The following SNX29 variants were observed in gnomAD, a reference collection of about 807,000 sequenced individuals.
SNX29 encodes the protein sorting nexin 29.
A neutral mutation model predicts 102.1 loss-of-function variants in SNX29; 78 were observed. That is an observed-to-expected ratio of 0.76 (90% CI 0.64 to 0.92). The LOEUF is 0.92. SNX29 is among the 40% of genes least tolerant of loss of function. The probability of loss-of-function intolerance (pLI) is 0.00; values close to 1 mark genes in which losing one functional copy is unlikely to be tolerated. For synonymous variants in SNX29, 580 were observed against 414.5 expected, an observed-to-expected ratio of 1.40 and a Z score of -4.85; for missense variants, 1,280 against 1,061.7, an observed-to-expected ratio of 1.21 and a Z score of -2.86.
In SNX29 at chr16:12,570,778, T is replaced by C. The variant is rs901841119; in HGVS notation, c.*2149T>C. 1 of 120,492 alleles carries C rather than the reference T, an allele frequency of 8.3e-6. No homozygotes were observed. The highest frequency in any genetic ancestry group is 9.8e-5 in the African/African-American group (1 of 10,242). 7.5% of individuals were successfully genotyped at this position (120,492 alleles called of 1,614,324 possible). A position where few individuals can be genotyped will look rare whatever the true frequency, so the allele number is the denominator to read the frequency against. Reference sequence around the variant, plus strand: ...TTGGACATTCTGCACATGATAATAATGCAACAGTCCCCCATTGCTGAGAGA... The same window carrying C: ...TTGGACATTCTGCACATGATAATAACGCAACAGTCCCCCATTGCTGAGAGA... On this transcript the variant is annotated 3_prime_UTR_variant, in exon 21 of 21. Transcript: ENST00000566228.
chr16:12,553,485 C>T (rs74569877), intron 20 of SNX29, among the ~76,000 whole-genome samples: 1 of 152,140 alleles, frequency 6.6e-6, no homozygotes, highest in African/African-American at 2.4e-5. Flanking sequence ...CTGCTTAGAC[C>T]AGGCAGGGCA....
At chr16:12,129,199 G>C (rs771893021) in intron 12 of SNX29, among the ~76,000 whole-genome samples, 8 of 152,124 alleles carry the variant, frequency 5.3e-5, no homozygotes, top group Non-Finnish European at 8.8e-5. Flanking sequence ...CTATTTTTAT[G>C]CCTCAGATTA....
Position 11,983,761 on chromosome 16 carries a change from A to G in SNX29, c.7+6948A>G, listed in dbSNP as rs562119785. The G allele has an allele frequency of 9.5e-6, 9 of 948,674 alleles. No homozygotes were observed. In the South Asian group the frequency reaches 3.4e-4, roughly 36 times the overall value. 58.8% of individuals were successfully genotyped at this position (948,674 alleles called of 1,614,324 possible). On this transcript the variant is annotated intron_variant, in intron 1 of 20. Coordinates refer to ENST00000566228, the MANE Select transcript of SNX29 (RefSeq NM_032167.5). ...AGAGCTCTTAAAATTTGGAACTAAAATCCAAGATTTTATAGATTTCTCCAA... is the reference window on the plus strand; with the variant it reads ...AGAGCTCTTAAAATTTGGAACTAAAGTCCAAGATTTTATAGATTTCTCCAA...
intron 1 of SNX29, among the ~76,000 whole-genome samples, chr16:11,995,536 G>T (rs1260094183): frequency 6.6e-6 from 1 of 151,642 alleles, no homozygotes; most frequent in East Asian, 1.9e-4. Context: ...ATAAAGAACA[G>T]GTTTTTCTTT....
At chr16:12,436,666 T>G (rs1467701716) in intron 18 of SNX29, among the ~76,000 whole-genome samples, 1 of 152,210 alleles carries the variant, frequency 6.6e-6, no homozygotes, top group Non-Finnish European at 1.5e-5. Context: ...ACCGGGGGAC[T>G]TTGGCTGTGT....
At chr16:12,508,716 A>T (rs1456241105) in intron 19 of SNX29, among the ~76,000 whole-genome samples, 1 of 151,920 alleles carries the variant, frequency 6.6e-6, no homozygotes, top group Admixed American at 6.6e-5. Context: ...GGGGTGTTTG[A>T]TTCACTCCAG....
rs187570611 is a variant in SNX29, at chr16:12,451,648, G to A, written c.2038-26071G>A. On this transcript the variant is annotated intron_variant, in intron 18 of 20. Transcript: ENST00000566228. ...GGAGGCTGAGGCGGGTGGACCATGA[G>A]GTCAGGAGATCAAGACCATCCTGGC... is the stretch of plus-strand genomic sequence containing the variant. Among the ~76,000 whole-genome samples the A allele has an allele frequency of 4.3e-3, 659 of 152,326 alleles. 7 individuals carry two copies. Among genetic ancestry groups the A allele is most frequent in the African/African-American group, 0.015 (633 of 41,570 alleles).
In SNX29 at chr16:11,976,823, G is replaced by C. The variant is rs927962400; in HGVS notation, c.7+10G>C. 87 of 1,373,796 alleles carry C rather than the reference G, an allele frequency of 6.3e-5. No individual in the cohort carries two copies. The highest frequency in any genetic ancestry group is 7.7e-5 in the Non-Finnish European group (82 of 1,063,166). 85.1% of individuals were successfully genotyped at this position (1,373,796 alleles called of 1,614,324 possible). A position where few individuals can be genotyped will look rare whatever the true frequency, so the allele number is the denominator to read the frequency against. On this transcript the variant is annotated intron_variant, in intron 1 of 20. Coordinates refer to ENST00000566228, the MANE Select transcript of SNX29 (RefSeq NM_032167.5). ...AGAGGCACCATGAGCGGTGAGTGGCGGCCCCGCCGCTGTCACCTGCCCCGG... is the reference window on the plus strand; with the variant it reads ...AGAGGCACCATGAGCGGTGAGTGGCCGCCCCGCCGCTGTCACCTGCCCCGG...
intron 18 of SNX29, among the ~76,000 whole-genome samples, chr16:12,472,529 C>CAAAAAAAAAAAAAA (rs60223249): frequency 4.1e-5 from 3 of 72,926 alleles, no homozygotes; most frequent in East Asian, 3.2e-4. Context: ...AAAAAAAAAC[C>CAAAAAAAAAAAAAA]AAAAAAAAAA....
At chr16:12,541,022 C>G (rs895277579) in intron 20 of SNX29, among the ~76,000 whole-genome samples, 1 of 152,138 alleles carries the variant, frequency 6.6e-6, no homozygotes, top group Non-Finnish European at 1.5e-5. Flanking sequence ...GGGACAGCAA[C>G]AACTGGTCAT....
intron 20 of SNX29, among the ~76,000 whole-genome samples, chr16:12,537,575 T>C (rs770917402): frequency 1.4e-4 from 21 of 152,060 alleles, no homozygotes; most frequent in Non-Finnish European, 2.4e-4. Flanking sequence ...ATTTTGACTT[T>C]GTTTTTACTT....
At chr16:12,433,778 T>A (rs982122637) in intron 18 of SNX29, among the ~76,000 whole-genome samples, 1 of 151,826 alleles carries the variant, frequency 6.6e-6, no homozygotes. Context: ...GAGCTGAGAT[T>A]GTGCCACTGC....
At chr16:12,019,081 C>T (rs927758981) in intron 3 of SNX29, among the ~76,000 whole-genome samples, 1 of 152,164 alleles carries the variant, frequency 6.6e-6, no homozygotes, top group Non-Finnish European at 1.5e-5. Context: ...CATATTTCTT[C>T]ATTCCTTATC....
intron 4 of SNX29, among the ~76,000 whole-genome samples, chr16:12,042,585 G>T (rs564157978): frequency 2.6e-5 from 4 of 152,108 alleles, no homozygotes; most frequent in African/African-American, 9.7e-5. Context: ...CCAATATTTC[G>T]TTTTCTATTT....
At chr16:12,240,948 C>G (rs2078086150) in intron 14 of SNX29, among the ~76,000 whole-genome samples, 1 of 152,098 alleles carries the variant, frequency 6.6e-6, no homozygotes, top group South Asian at 2.1e-4. Context: ...TTTACTTTTT[C>G]TGCATAATTA....
chr16:12,114,781 G>C (rs1032113647), intron 11 of SNX29, among the ~76,000 whole-genome samples: 1 of 151,958 alleles, frequency 6.6e-6, no homozygotes, highest in African/African-American at 2.4e-5. Flanking sequence ...TAGAGACGGG[G>C]TTTCAGCATG....
chr16:12,217,253 T>G (rs552380566), intron 14 of SNX29, among the ~76,000 whole-genome samples: 2 of 152,300 alleles, frequency 1.3e-5, no homozygotes, highest in East Asian at 3.9e-4. Flanking sequence ...CTCCTGGGCT[T>G]GAGCAGTCCT....
At chr16:12,544,141 C>G (rs779574845) in intron 20 of SNX29, among the ~76,000 whole-genome samples, 2 of 152,212 alleles carry the variant, frequency 1.3e-5, no homozygotes, top group African/African-American at 2.4e-5. Flanking sequence ...CCTATATTCA[C>G]CGGCATCATT....
chr16:12,427,972 A>G (rs1412369544), intron 18 of SNX29, among the ~76,000 whole-genome samples: 1 of 152,264 alleles, frequency 6.6e-6, no homozygotes, highest in Non-Finnish European at 1.5e-5. Flanking sequence ...CATTTGCCAA[A>G]TGTGCCTTTT....
Sources: allele counts gnomAD v4.1 joint callset (sites outside exome capture counted in the v4.1 genomes callset), GRCh38; gene constraint gnomAD v4.1.1; transcripts MANE v1.5; gene names NCBI Gene and HGNC (gene_info 2026-07-23, HGNC 2026-07-21).